The following COL13A1 variants were observed in gnomAD, a reference collection of about 807,000 sequenced individuals.
The protein encoded by COL13A1 is collagen alpha-1(XIII) chain.
A neutral mutation model predicts 130.9 loss-of-function variants in COL13A1; 89 were observed. The observed-to-expected ratio is 0.68, with a 90% confidence interval of 0.57 to 0.81. COL13A1 has a LOEUF of 0.81. COL13A1 is among the 30% of genes least tolerant of loss of function. The pLI is 0.00. For synonymous variants in COL13A1, 402 were observed against 341.6 expected (o/e 1.18, Z -1.95); for missense variants, 879 against 934.6 (o/e 0.94, Z 0.78).
intron 17 of COL13A1, 134 bp downstream of exon 17, chr10:69,905,956 A>G: frequency 1.0e-6 from 1 of 964,254 alleles, no homozygotes; most frequent in Non-Finnish European, 1.5e-6. Flanking sequence ...CCAGGTTCTC[A>G]CTGGCCCCCC....
At chr10:69,927,154 GGGC>G in intron 27 of COL13A1, 44 bp downstream of exon 27, 1 of 1,610,184 alleles carries the variant, frequency 6.2e-7, no homozygotes, top group Non-Finnish European at 8.5e-7. Context: ...CTGGACGGGG[GGGC>G]TGGGGATGGC....
chr10:69,827,913 G>A (rs1391074268), intron 2 of COL13A1, among the ~76,000 whole-genome samples: 2 of 152,084 alleles, frequency 1.3e-5, no homozygotes, highest in South Asian at 2.1e-4. Flanking sequence ...CCCGAGCCCC[G>A]CTTCTTTGTG....
At chr10:69,898,515 G>A (rs764386085) in intron 13 of COL13A1, among the ~76,000 whole-genome samples, 182 bp from the exon 14 acceptor site, 11 of 152,252 alleles carry the variant, frequency 7.2e-5, no homozygotes, top group African/African-American at 1.7e-4. Context: ...TCCTCAAGCC[G>A]TGAGAGTGCC....
intron 2 of COL13A1, among the ~76,000 whole-genome samples, chr10:69,859,241 C>G (rs2395285): frequency 2.0e-5 from 3 of 150,724 alleles, no homozygotes; most frequent in African/African-American, 7.3e-5. Context: ...AAAGTAATTG[C>G]GGGTTTTGCC....
At chr10:69,950,119 A>G (rs2069271368) in intron 38 of COL13A1, among the ~76,000 whole-genome samples, 2 of 151,634 alleles carry the variant, frequency 1.3e-5, no homozygotes, top group South Asian at 4.2e-4. Flanking sequence ...TTCCGTTATA[A>G]TAGTCCCACG....
chr10:69,950,502 G>A (rs1214339048), intron 38 of COL13A1, among the ~76,000 whole-genome samples: 4 of 152,122 alleles, frequency 2.6e-5, no homozygotes, highest in Non-Finnish European at 5.9e-5. Context: ...TGGCAGATTT[G>A]CCCGGCTTCT....
At chr10:69,941,719 T>C (rs1289251340) in intron 35 of COL13A1, among the ~76,000 whole-genome samples, 1 of 152,186 alleles carries the variant, frequency 6.6e-6, no homozygotes, top group Non-Finnish European at 1.5e-5. Context: ...TCATTTACTA[T>C]TGACTAGAAA....
At chr10:69,869,402 C>T (rs1455507669) in intron 3 of COL13A1, among the ~76,000 whole-genome samples, 1 of 152,178 alleles carries the variant, frequency 6.6e-6, no homozygotes, top group East Asian at 1.9e-4. Context: ...GGAATCACCT[C>T]CTCAGCCCTG....
At chr10:69,947,530 G>A (rs886704819) in intron 38 of COL13A1, among the ~76,000 whole-genome samples, 188 bp downstream of exon 38, 1 of 152,138 alleles carries the variant, frequency 6.6e-6, no homozygotes, top group Non-Finnish European at 1.5e-5. Flanking sequence ...ATCCTCACAT[G>A]GAAGCCTGTA....
chr10:69,810,057 A>G (rs1195276895), intron 1 of COL13A1, among the ~76,000 whole-genome samples: 2 of 152,116 alleles, frequency 1.3e-5, no homozygotes, highest in African/African-American at 4.8e-5. Context: ...TGTTTGTATC[A>G]GCTGCCTGAA....
intron 14 of COL13A1, among the ~76,000 whole-genome samples, chr10:69,901,888 A>G (rs2062218986): frequency 1.3e-5 from 2 of 152,156 alleles, no homozygotes; most frequent in Non-Finnish European, 2.9e-5. Flanking sequence ...GGCTGAGGAG[A>G]CAAGGGAATA....
At chr10:69,889,380 AGTGC>A in intron 9 of COL13A1, 30 bp from the exon 10 acceptor site, 1 of 1,604,906 alleles carries the variant, frequency 6.2e-7, no homozygotes, top group Middle Eastern at 1.7e-4. Context: ...GGCTGCGAAC[AGTGC>A]ACCTGGTACT....
At chr10:69,942,677 T>C (rs1349668544) in intron 35 of COL13A1, among the ~76,000 whole-genome samples, 1 of 152,232 alleles carries the variant, frequency 6.6e-6, no homozygotes, top group Non-Finnish European at 1.5e-5. Context: ...TTGCTACGCA[T>C]TCATGCATGG....
chr10:69,881,174 T>C (rs922384827), intron 7 of COL13A1, among the ~76,000 whole-genome samples: 81 of 152,308 alleles, frequency 5.3e-4, no homozygotes, highest in Non-Finnish European at 1.2e-3. Flanking sequence ...GAGGAAGGGC[T>C]TGTTATTTTC....
At chr10:69,881,512 G>T (rs2060135055) in intron 7 of COL13A1, among the ~76,000 whole-genome samples, 1 of 152,180 alleles carries the variant, frequency 6.6e-6, no homozygotes, top group African/African-American at 2.4e-5. Context: ...CCAAGGGAGG[G>T]GGCCTGCAGT....
chr10:69,829,989 G>A (rs1038137898), intron 2 of COL13A1, among the ~76,000 whole-genome samples: 1 of 152,200 alleles, frequency 6.6e-6, no homozygotes, highest in African/African-American at 2.4e-5. Flanking sequence ...GATAACACTG[G>A]GGTGGTCGGC....
At chr10:69,836,999 C>G (rs1850260849) in intron 2 of COL13A1, among the ~76,000 whole-genome samples, 1 of 152,142 alleles carries the variant, frequency 6.6e-6, no homozygotes, top group South Asian at 2.1e-4. Context: ...CCAGGGGCAG[C>G]AGGTACTGGG....
intron 2 of COL13A1, chr10:69,829,125 T>G (rs1848210236): frequency 1.8e-6 from 1 of 563,288 alleles, no homozygotes; most frequent in Non-Finnish European, 2.3e-6. Flanking sequence ...AGCCATGACC[T>G]GGGCTTCAGG....
chr10:69,882,004 C>A (rs1303667131), intron 7 of COL13A1, among the ~76,000 whole-genome samples: 1 of 152,234 alleles, frequency 6.6e-6, no homozygotes, highest in Non-Finnish European at 1.5e-5. Flanking sequence ...GTCGCATGTG[C>A]TCCTGGGCTC....
Sources: allele counts gnomAD v4.1 joint callset (sites outside exome capture counted in the v4.1 genomes callset), GRCh38; gene constraint gnomAD v4.1.1; transcripts MANE v1.5; gene names NCBI Gene and HGNC (gene_info 2026-07-23, HGNC 2026-07-21).